SCUBE1: variants seen among roughly 807,000 people sequenced by gnomAD.
SCUBE1 encodes the protein signal peptide, CUB and EGF-like domain-containing protein 1.
In SCUBE1, 59 loss-of-function variants were observed where a neutral mutation model predicts 124.4. That is an observed-to-expected ratio of 0.47 (90% CI 0.38 to 0.59). The LOEUF is 0.59. SCUBE1 is among the 20% of genes least tolerant of loss of function. The probability of loss-of-function intolerance (pLI) is 0.00; values close to 1 mark genes in which losing one functional copy is unlikely to be tolerated. For synonymous variants in SCUBE1, 545 were observed against 550.9 expected, an observed-to-expected ratio of 0.99 and a Z score of 0.15; for missense variants, 1,150 against 1,371.2, an observed-to-expected ratio of 0.84 and a Z score of 2.55.
chr22:43,212,609 A>G lies in SCUBE1; in HGVS notation c.2054-17T>C. 6.4e-7 allele frequency: 1 copy of G among 1,556,532 alleles called. No homozygotes were observed. On this transcript the variant is annotated splice_polypyrimidine_tract_variant and intron_variant, in intron 16 of 21. Transcript: ENST00000360835. ...AACACTGGCCTGAAAGTCAGAGGTCATGGCTCAGGCGGGCAGGAGGGCACC... is the reference window on the plus strand; with the variant it reads ...AACACTGGCCTGAAAGTCAGAGGTCGTGGCTCAGGCGGGCAGGAGGGCACC...
chr22:43,285,761 C>G lies in SCUBE1; in HGVS notation c.484+5285G>C, dbSNP rs565938815. On this transcript the variant is annotated intron_variant, in intron 4 of 21. Transcript: ENST00000360835. ...GCAGGGACACCTCTGCAGGTGTACT[C>G]AAACCTCCGCAGGAAGGATGGGTGG... Among the ~76,000 whole-genome samples, 3 of 152,294 alleles carry G rather than the reference C, an allele frequency of 2.0e-5. No individual in the cohort carries two copies. In the South Asian group the frequency reaches 6.2e-4, roughly 32 times the overall value.
At chr22:43,219,605 C>T (rs904113261) in intron 14 of SCUBE1, among the ~76,000 whole-genome samples, 1 of 152,028 alleles carries the variant, frequency 6.6e-6, no homozygotes, top group Admixed American at 6.6e-5. Context: ...TCCTGAGTAG[C>T]TGGGATTACA....
At chr22:43,321,709 A>G (rs1167313297) in intron 2 of SCUBE1, among the ~76,000 whole-genome samples, 1 of 152,218 alleles carries the variant, frequency 6.6e-6, no homozygotes, top group Non-Finnish European at 1.5e-5. Context: ...GGGCACCTGC[A>G]TCAGTTCTCA....
intron 1 of SCUBE1, 39 bp downstream of exon 1, chr22:43,343,135 C>G (rs1569039981): frequency 2.8e-6 from 3 of 1,073,136 alleles, no homozygotes; most frequent in Non-Finnish European, 3.4e-6. Context: ...CGCCCGAGCC[C>G]CCCGCGCCCG....
chr22:43,211,867 G>A lies in SCUBE1; in HGVS notation c.2221+558C>T, dbSNP rs1979932343. Among the ~76,000 whole-genome samples the A allele has an allele frequency of 1.3e-5, 2 of 152,102 alleles. No individual in the cohort carries two copies. The highest frequency in any genetic ancestry group is 2.4e-5 in the African/African-American group (1 of 41,406). ...AATTCAGAACAGTTTGTATGTGCAGGGGAGTATCTGGTGATGTGGCTGGCT... is the reference window on the plus strand; with the variant it reads ...AATTCAGAACAGTTTGTATGTGCAGAGGAGTATCTGGTGATGTGGCTGGCT... On this transcript the variant is annotated intron_variant, in intron 17 of 21. Transcript: ENST00000360835. This position sits in a 1 kb window ranked among gnomAD's most constrained non-coding sequence, Gnocchi z 4.5.
chr22:43,227,966 A>G (rs139012), intron 9 of SCUBE1, among the ~76,000 whole-genome samples: 114,776 of 152,168 alleles, frequency 0.75, 44,097 homozygotes, highest in African/African-American at 0.9. Context: ...GCACCCGCTG[A>G]AGCTGGGGGA....
intron 6 of SCUBE1, among the ~76,000 whole-genome samples, chr22:43,253,160 C>T (rs1923523422): frequency 6.6e-6 from 1 of 152,108 alleles, no homozygotes; most frequent in Admixed American, 6.5e-5. Flanking sequence ...CTCTCCATAC[C>T]TTGCCTCTAT....
chr22:43,280,066 A>C (rs1388629833), intron 4 of SCUBE1, among the ~76,000 whole-genome samples: 2 of 152,152 alleles, frequency 1.3e-5, no homozygotes, highest in Non-Finnish European at 2.9e-5. Flanking sequence ...AGTCAGGAGG[A>C]GGAAGGTGGG....
intron 14 of SCUBE1, among the ~76,000 whole-genome samples, chr22:43,219,807 G>A (rs942095022): frequency 2.0e-5 from 3 of 151,988 alleles, no homozygotes; most frequent in Non-Finnish European, 4.4e-5. Context: ...CTCCCGTGGG[G>A]GGCAGACCTC....
chr22:43,273,697 G>A (rs1924384849), intron 4 of SCUBE1, among the ~76,000 whole-genome samples: 1 of 148,966 alleles, frequency 6.7e-6, no homozygotes, highest in African/African-American at 2.5e-5. Context: ...CTCAGCCTCT[G>A]GAGTAGCTGT....
chr22:43,277,279 A>G (rs1347549608), intron 4 of SCUBE1, among the ~76,000 whole-genome samples: 1 of 152,038 alleles, frequency 6.6e-6, no homozygotes, highest in African/African-American at 2.4e-5. Flanking sequence ...GGCTGCAGAG[A>G]ACCACATTCC....
At chr22:43,248,127 A>T (rs746669367) in intron 6 of SCUBE1, among the ~76,000 whole-genome samples, 1 of 152,200 alleles carries the variant, frequency 6.6e-6, no homozygotes, top group East Asian at 1.9e-4. Context: ...TCTAGGAGAG[A>T]GGAAACAGGG....
intron 2 of SCUBE1, among the ~76,000 whole-genome samples, chr22:43,323,225 T>C (rs2146788279): frequency 6.6e-6 from 1 of 152,316 alleles, no homozygotes; most frequent in Non-Finnish European, 1.5e-5. Flanking sequence ...TGCATCTGTC[T>C]ATACACATAC....
In SCUBE1 at chr22:43,280,396, C is replaced by T. The variant is rs1219659611; in HGVS notation, c.484+10650G>A. On this transcript the variant is annotated intron_variant, in intron 4 of 21. Transcript: ENST00000360835. ...TCTCACCGTCCCCTCACCCATCCCC[C>T]GTCCCTTCCCCTCACCCATCCTCCT... Among the ~76,000 whole-genome samples, 542 of 106,162 alleles carry T rather than the reference C, an allele frequency of 5.1e-3. 2 individuals carry two copies. Among genetic ancestry groups the T allele is most frequent in the Middle Eastern group, 9.0e-3 (2 of 222 alleles). The allele number at this position is 106,162 out of a possible 152,430, so 69.6% of individuals were successfully genotyped here.
Position 43,291,158 on chromosome 22 carries a change from A to G in SCUBE1, c.372T>C (p.Asn124=). The change falls in exon 4 of 22, where the codon AAT becomes AAC. Residue 124 remains asparagine (N), a synonymous_variant. Transcript: ENST00000360835. ...CGCAGATCTGCTGGCAGCCACCATT[A>G]TTGTCCTGACACTCGTCCACATCTG... ...NCLDVDECQD[N]NGGCQQICVN... is the part of the protein sequence containing the mutation. The G allele has an allele frequency of 1.2e-6, 2 of 1,612,234 alleles. No homozygotes were observed. The highest frequency in any genetic ancestry group is 2.2e-5 in the South Asian group (2 of 91,048).
Position 43,280,517 on chromosome 22 carries a change from G to GCTGTCCCTTCCCCTCACCCATCCTC in SCUBE1, c.484+10504_484+10528dup, listed in dbSNP as rs1569009529. Among the ~76,000 whole-genome samples the GCTGTCCCTTCCCCTCACCCATCCTC allele has an allele frequency of 1.0e-3, 34 of 33,132 alleles. 1 individual carries two copies. Among genetic ancestry groups the GCTGTCCCTTCCCCTCACCCATCCTC allele is most frequent in the Admixed American group, 2.9e-3 (7 of 2,418 alleles). The allele number at this position is 33,132 out of a possible 152,430, so 21.7% of individuals were successfully genotyped here. On this transcript the variant is annotated intron_variant, in intron 4 of 21. Transcript: ENST00000360835. ...CCCGTCCCTTCCCCTCACCCATCCT[G>GCTGTCCCTTCCCCTCACCCATCCTC]CTGTCCCTTCCCCTCACCCATCCTC...
At chr22:43,222,845 G>A (rs1254372203) in intron 11 of SCUBE1, 103 bp from the exon 12 acceptor site, 13 of 1,042,806 alleles carry the variant, frequency 1.2e-5, no homozygotes. Context: ...CGAAGATCAG[G>A]ACAGATTCTT....
At chr22:43,287,735 T>C (rs1030666075) in intron 4 of SCUBE1, among the ~76,000 whole-genome samples, 1 of 152,262 alleles carries the variant, frequency 6.6e-6, no homozygotes, top group Non-Finnish European at 1.5e-5. Flanking sequence ...CTCTGTCTCC[T>C]TCAGCCCTCC....
intron 3 of SCUBE1, among the ~76,000 whole-genome samples, chr22:43,303,473 C>G (rs1312467215): frequency 6.6e-6 from 1 of 152,240 alleles, no homozygotes; most frequent in Admixed American, 6.5e-5. Context: ...ACAACCAGGA[C>G]TAAGGAATAG....
Sources: gnomAD v4.1 joint callset for allele counts (sites outside exome capture counted in the v4.1 genomes callset) on GRCh38, gnomAD v4.1.1 for gene constraint, Gnocchi (gnomAD v3.1) non-coding constraint, MANE v1.5 for transcripts, NCBI Gene and HGNC (gene_info 2026-07-23, HGNC 2026-07-21) for gene names.